Variants in WDPCP observed in about 807,000 individuals in gnomAD.
The protein encoded by WDPCP is WD repeat containing planar cell polarity effector.
A neutral mutation model predicts 93.1 loss-of-function variants in WDPCP; 71 were observed. That is an observed-to-expected ratio of 0.76 (90% CI 0.63 to 0.93). The LOEUF is 0.93. Among genes scored for constraint, WDPCP ranks in the 40% least tolerant of loss-of-function variants. WDPCP has a pLI of 0.00. For missense variants in WDPCP, 844 were observed against 887.4 expected (o/e 0.95, Z 0.62); for synonymous variants, 315 against 315.0 (o/e 1.00, Z 0.00).
chr2:63,717,220 T>G, intron 2 of WDPCP: 2 of 497,144 alleles, frequency 4.0e-6, no homozygotes, highest in Non-Finnish European at 7.8e-6. Flanking sequence ...CTCCACGAAT[T>G]TGAAAGACAT....
At chr2:63,227,658 G>T (rs1236836398) in intron 14 of WDPCP, among the ~76,000 whole-genome samples, 2 of 152,010 alleles carry the variant, frequency 1.3e-5, no homozygotes, top group African/African-American at 2.4e-5. Context: ...GCCACTGACA[G>T]TCTGAGTCTG....
chr2:63,196,170 C>A (rs1675419468), intron 14 of WDPCP, among the ~76,000 whole-genome samples: 1 of 152,176 alleles, frequency 6.6e-6, no homozygotes, highest in African/African-American at 2.4e-5. Context: ...TGTGAAGTGC[C>A]ACTAGTGATG....
intron 10 of WDPCP, among the ~76,000 whole-genome samples, chr2:63,385,441 A>G (rs1575292082): frequency 6.6e-6 from 1 of 152,160 alleles, no homozygotes; most frequent in South Asian, 2.1e-4. Flanking sequence ...TGCAGGATAC[A>G]TAGTCAATAT....
intron 13 of WDPCP, among the ~76,000 whole-genome samples, chr2:63,304,143 C>T (rs1262521440): frequency 6.6e-6 from 1 of 152,058 alleles, no homozygotes; most frequent in Non-Finnish European, 1.5e-5. Context: ...TGGGCATCTA[C>T]CCAAAGGAAA....
rs372313357 is a variant in WDPCP at position 63,422,565 on chromosome 2, G to T, written c.825+11180C>A. ...TGAGTGGAAGTGTCTCTTTATAGAA[G>T]TATCCCAAGTAATCAATGAAAAATA... On this transcript the variant is annotated intron_variant, in intron 9 of 17. Coordinates refer to ENST00000272321, the MANE Select transcript of WDPCP (RefSeq NM_015910.7). Among the ~76,000 whole-genome samples the T allele has an allele frequency of 2.0e-4, 31 of 152,200 alleles. 1 individual carries two copies. In the South Asian group the frequency reaches 6.4e-3, roughly 32 times the overall value.
chr2:63,789,223 G>A (rs763565867), intron 2 of WDPCP, among the ~76,000 whole-genome samples: 1 of 151,946 alleles, frequency 6.6e-6, no homozygotes, highest in African/African-American at 2.4e-5. Context: ...ATTTTTAGTG[G>A]TATTTGTCAG....
At chr2:63,462,940 G>A (rs767233960) in intron 6 of WDPCP, among the ~76,000 whole-genome samples, 1 of 152,078 alleles carries the variant, frequency 6.6e-6, no homozygotes, top group Non-Finnish European at 1.5e-5. Context: ...GAGACATTAA[G>A]TAGTCAGCTG....
At chr2:63,555,972 G>A (rs979005332) in intron 1 of WDPCP, among the ~76,000 whole-genome samples, 5 of 152,120 alleles carry the variant, frequency 3.3e-5, no homozygotes, top group African/African-American at 9.7e-5. Context: ...CTCCAGCAAG[G>A]GCACAGAACT....
chr2:63,531,903 C>A (rs1703881617), intron 1 of WDPCP, among the ~76,000 whole-genome samples: 1 of 152,064 alleles, frequency 6.6e-6, no homozygotes, highest in African/African-American at 2.4e-5. Context: ...TCGGTAATAA[C>A]AAACTTCTCC....
intron 1 of WDPCP, among the ~76,000 whole-genome samples, chr2:63,575,370 G>GA (rs1707869150): frequency 1.6e-5 from 2 of 128,388 alleles, no homozygotes; most frequent in South Asian, 2.5e-4. Context: ...AGTATATACA[G>GA]TATATACAGT....
intron 1 of WDPCP, among the ~76,000 whole-genome samples, chr2:63,510,232 C>G (rs1197938889): frequency 6.6e-6 from 1 of 152,194 alleles, no homozygotes; most frequent in African/African-American, 2.4e-5. Context: ...GATTATCCAC[C>G]ACGATCAAGT....
intron 2 of WDPCP, among the ~76,000 whole-genome samples, chr2:63,757,019 G>T (rs1669982511): frequency 6.6e-6 from 1 of 152,122 alleles, no homozygotes; most frequent in Non-Finnish European, 1.5e-5. Context: ...GTGGGAGTTG[G>T]GGGTACTACA....
At chr2:63,696,857 AT>A in intron 2 of WDPCP, among the ~76,000 whole-genome samples, 1 of 152,360 alleles carries the variant, frequency 6.6e-6, no homozygotes, top group Middle Eastern at 3.4e-3. Flanking sequence ...AAAGTGAGAT[AT>A]CAAAATATTT....
chr2:63,631,954 T>C (rs965585110), intron 3 of WDPCP, among the ~76,000 whole-genome samples: 3 of 152,198 alleles, frequency 2.0e-5, no homozygotes, highest in African/African-American at 7.2e-5. Flanking sequence ...ATTATTGAGA[T>C]AATGAACAGT....
intron 2 of WDPCP, among the ~76,000 whole-genome samples, chr2:63,790,890 C>T (rs1276057102): frequency 2.0e-5 from 3 of 152,154 alleles, no homozygotes; most frequent in Admixed American, 2.0e-4. Flanking sequence ...TTTTAAAACA[C>T]ACATTGTTTA....
chr2:63,246,683 C>T (rs185385764), intron 14 of WDPCP, among the ~76,000 whole-genome samples: 1 of 152,196 alleles, frequency 6.6e-6, no homozygotes, highest in African/African-American at 2.4e-5. Context: ...CCTGTGATTA[C>T]GTTAACTGAT....
At chr2:63,145,244 G>A (rs574424578) in intron 17 of WDPCP, among the ~76,000 whole-genome samples, 135 of 152,270 alleles carry the variant, frequency 8.9e-4, no homozygotes, top group African/African-American at 2.8e-3. Flanking sequence ...CTCTTGCCAG[G>A]AGGTGCGCTT....
chr2:63,163,989 C>G (rs181832873), intron 15 of WDPCP, among the ~76,000 whole-genome samples: 42 of 152,258 alleles, frequency 2.8e-4, no homozygotes, highest in African/African-American at 9.1e-4. Flanking sequence ...GAATTCAATA[C>G]TGGTTCATTA....
chr2:63,437,275 A>G, intron 8 of WDPCP, 146 bp downstream of exon 8: 1 of 693,272 alleles, frequency 1.4e-6, no homozygotes, highest in Non-Finnish European at 2.2e-6. Flanking sequence ...GCCACTGTTT[A>G]CAGTTAATTA....
Sources: allele counts gnomAD v4.1 joint callset (sites outside exome capture counted in the v4.1 genomes callset), GRCh38; gene constraint gnomAD v4.1.1; transcripts MANE v1.5; gene names NCBI Gene and HGNC (gene_info 2026-07-23, HGNC 2026-07-21).